The following EIPR1 variants were observed in gnomAD, a reference collection of about 807,000 sequenced individuals.
EIPR1 encodes the protein EARP and GARP complex-interacting protein 1.
EIPR1 carries 25 observed loss-of-function variants against 48.1 expected under a neutral mutation model. That is an observed-to-expected ratio of 0.52 (90% CI 0.38 to 0.73). The LOEUF is 0.73. EIPR1 is among the 30% of genes least tolerant of loss of function. The pLI, the probability that EIPR1 is intolerant of heterozygous loss-of-function variation, is 0.00. For missense variants in EIPR1, 415 were observed against 506.2 expected, an observed-to-expected ratio of 0.82 and a Z score of 1.73; for synonymous variants, 204 against 201.9, an observed-to-expected ratio of 1.01 and a Z score of -0.09.
chr2:3,295,344 C>G (rs1668526243), intron 3 of EIPR1, among the ~76,000 whole-genome samples: 1 of 136,768 alleles, frequency 7.3e-6, no homozygotes, highest in Non-Finnish European at 1.6e-5. Flanking sequence ...ACACACACAC[C>G]TTCCATCCAG....
At chr2:3,247,060 G>GGAGAGAGC (rs1558249318) in intron 4 of EIPR1, among the ~76,000 whole-genome samples, 1 of 20,278 alleles carries the variant, frequency 4.9e-5, no homozygotes, top group African/African-American at 1.8e-4. Context: ...AGAGAGGGAG[G>GGAGAGAGC]GAGAGAGGGA....
At chr2:3,231,282 T>A (rs776454494) in intron 4 of EIPR1, among the ~76,000 whole-genome samples, 3 of 152,210 alleles carry the variant, frequency 2.0e-5, no homozygotes, top group Admixed American at 2.0e-4. Context: ...TAGGATCATG[T>A]TGTCTACAAA....
chr2:3,335,805 T>TCC (rs541964552), intron 3 of EIPR1, among the ~76,000 whole-genome samples: 87 of 152,268 alleles, frequency 5.7e-4, no homozygotes, highest in African/African-American at 1.9e-3. Flanking sequence ...GGCCCTGGCT[T>TCC]CCGTCACCCC....
chr2:3,351,093 A>G (rs1210180626), intron 2 of EIPR1, among the ~76,000 whole-genome samples: 5 of 150,398 alleles, frequency 3.3e-5, no homozygotes, highest in Non-Finnish European at 7.4e-5. Flanking sequence ...CCATCTTCCC[A>G]GTTGTCAAGT....
intron 3 of EIPR1, among the ~76,000 whole-genome samples, chr2:3,269,541 G>A (rs1216764273): frequency 0.11 from 5,246 of 46,994 alleles, 733 homozygotes; most frequent in East Asian, 0.18. Context: ...CTCAGTCATC[G>A]CACTCAGTCA....
rs1257898051 is a variant in EIPR1, at chr2:3,377,754, C to T, written c.-65G>A. 6.5e-7 allele frequency: 1 copy of T among 1,540,894 alleles called. No individual in the cohort carries two copies. Among genetic ancestry groups the T allele is most frequent in the Non-Finnish European group, 8.8e-7 (1 of 1,139,274 alleles). ...AAGGACCTCGCTACGGCCGGCGCGT[C>T]CCCACCTCGCGGGCGTGTTCCCAGC... On this transcript the variant is annotated 5_prime_UTR_variant, in exon 1 of 9. Transcript: ENST00000382125.
chr2:3,319,781 A>ACCTGTGGGTAACACCACC, intron 3 of EIPR1: 1 of 92,172 alleles, frequency 1.1e-5, no homozygotes, highest in African/African-American at 5.3e-5. Flanking sequence ...GCAATACTGC[A>ACCTGTGGGTAACACCACC]CCTGCGGGCA....
rs1199818279 is a variant in EIPR1, at chr2:3,269,307, C to G, written c.260-11852G>C. The stretch of plus-strand genomic sequence containing the variant: ...GCACTCAGTCATGGCACTCAGTCAT[C>G]GCACTCAGTCATCGCACTCAATCAT... On this transcript the variant is annotated intron_variant, in intron 3 of 8. Transcript: ENST00000382125. Among the ~76,000 whole-genome samples, 35 of 134,548 alleles carry G rather than the reference C, an allele frequency of 2.6e-4. 1 individual carries two copies. The highest frequency in any genetic ancestry group is 9.1e-4 in the African/African-American group (33 of 36,220). The allele number at this position is 134,548 out of a possible 152,430, so 88.3% of individuals were successfully genotyped here. A position where few individuals can be genotyped will look rare whatever the true frequency, so the allele number is the denominator to read the frequency against.
intron 4 of EIPR1, among the ~76,000 whole-genome samples, chr2:3,218,903 C>G (rs1051795259): frequency 1.3e-5 from 2 of 149,116 alleles, no homozygotes; most frequent in Non-Finnish European, 1.5e-5. Context: ...CAGGTGCACA[C>G]CCAACACGGC....
intron 8 of EIPR1, among the ~76,000 whole-genome samples, chr2:3,191,849 C>T (rs1027493542): frequency 1.3e-5 from 2 of 152,216 alleles, no homozygotes; most frequent in Admixed American, 6.5e-5. Context: ...AATCCAGAAC[C>T]ATGATGGTGT....
chr2:3,292,862 A>AC (rs1234225399), intron 3 of EIPR1, among the ~76,000 whole-genome samples: 2 of 152,212 alleles, frequency 1.3e-5, no homozygotes, highest in African/African-American at 2.4e-5. Context: ...TGTTTTGAAA[A>AC]AAAAAAAAAA....
intron 3 of EIPR1, among the ~76,000 whole-genome samples, chr2:3,308,896 T>C (rs895498619): frequency 3.9e-5 from 6 of 152,200 alleles, no homozygotes; most frequent in South Asian, 2.1e-4. Flanking sequence ...ACTGCAAGTA[T>C]CCTTAGGAAT....
chr2:3,271,292 T>G (rs537514539), intron 3 of EIPR1, among the ~76,000 whole-genome samples: 8 of 152,342 alleles, frequency 5.3e-5, no homozygotes, highest in Non-Finnish European at 1.0e-4. Flanking sequence ...GTCAATATTC[T>G]GACCACCTCC....
At chr2:3,299,620 T>TCACACACA (rs1327026136) in intron 3 of EIPR1, among the ~76,000 whole-genome samples, 119 of 121,412 alleles carry the variant, frequency 9.8e-4, no homozygotes, top group African/African-American at 2.2e-3. Flanking sequence ...TCTCTCTCTC[T>TCACACACA]CTCTCACACA....
In EIPR1 at chr2:3,377,777, A is replaced by T; in HGVS notation, c.-88T>A. 4.8e-6 allele frequency: 7 copies of T among 1,471,332 alleles called. No individual in the cohort carries two copies. The highest frequency in any genetic ancestry group is 2.8e-5 in the African/African-American group (2 of 71,472). 91.1% of individuals were successfully genotyped at this position (1,471,332 alleles called of 1,614,324 possible). A position where few individuals can be genotyped will look rare whatever the true frequency, so the allele number is the denominator to read the frequency against. ...GTCCCCACCTCGCGGGCGTGTTCCC[A>T]GCGCCCATTCATTCCCTCCCCGCAG... On this transcript the variant is annotated 5_prime_UTR_variant, in exon 1 of 9. Coordinates refer to ENST00000382125, the MANE Select transcript of EIPR1 (RefSeq NM_003310.5).
At chr2:3,315,167 CA>C in intron 3 of EIPR1, among the ~76,000 whole-genome samples, 1 of 152 alleles carries the variant, frequency 6.6e-3, no homozygotes, top group Non-Finnish European at 0.017. Context: ...CTACCATCAT[CA>C]CCACCCCCTA....
chr2:3,313,120 C>CA (rs1558291294), intron 3 of EIPR1, among the ~76,000 whole-genome samples: 1 of 152,192 alleles, frequency 6.6e-6, no homozygotes, highest in Non-Finnish European at 1.5e-5. Context: ...GCCTCCAACT[C>CA]AGAGTCCACA....
At chr2:3,372,792 A>G (rs1659714659) in intron 1 of EIPR1, among the ~76,000 whole-genome samples, 1 of 152,254 alleles carries the variant, frequency 6.6e-6, no homozygotes, top group Non-Finnish European at 1.5e-5. Flanking sequence ...GCCGAATTCT[A>G]CCAGAGGTAT....
chr2:3,198,796 T>C (rs997298147), intron 5 of EIPR1, among the ~76,000 whole-genome samples: 1 of 151,902 alleles, frequency 6.6e-6, no homozygotes, highest in Non-Finnish European at 1.5e-5. Flanking sequence ...CAACAGAAGA[T>C]CACAAGGCAG....
Sources: allele counts gnomAD v4.1 joint callset (sites outside exome capture counted in the v4.1 genomes callset), GRCh38; gene constraint gnomAD v4.1.1; transcripts MANE v1.5; gene names NCBI Gene and HGNC (gene_info 2026-07-23, HGNC 2026-07-21).